The following SLC22A15 variants were observed in gnomAD, a reference collection of about 807,000 sequenced individuals.
SLC22A15 encodes the protein flipt 1.
In SLC22A15, 45 loss-of-function variants were observed where a neutral mutation model predicts 62.7. The observed-to-expected ratio is 0.72, with a 90% CI of 0.56 to 0.92. The LOEUF is 0.92. Among genes scored for constraint, SLC22A15 ranks in the 40% least tolerant of loss-of-function variants. The pLI is 0.00. For synonymous variants in SLC22A15, 264 were observed against 267.0 expected, an observed-to-expected ratio of 0.99 and a Z score of 0.11; for missense variants, 622 against 665.6, an observed-to-expected ratio of 0.93 and a Z score of 0.72.
chr1:116,016,671 C>T (rs534266507), intron 2 of SLC22A15, among the ~76,000 whole-genome samples: 1 of 152,256 alleles, frequency 6.6e-6, no homozygotes, highest in East Asian at 1.9e-4. Context: ...CCACCATGTA[C>T]CTAACACCCC....
chr1:115,990,098 A>T (rs759334599), intron 1 of SLC22A15, among the ~76,000 whole-genome samples: 3 of 152,230 alleles, frequency 2.0e-5, no homozygotes, highest in African/African-American at 4.8e-5. Context: ...AGCAGCAAGA[A>T]ACAGGAGAGG....
At chr1:115,991,710 C>G (rs1377054293) in intron 1 of SLC22A15, among the ~76,000 whole-genome samples, 2 of 152,100 alleles carry the variant, frequency 1.3e-5, no homozygotes, top group Non-Finnish European at 2.9e-5. Flanking sequence ...TAATGTTTTC[C>G]CTGCCCTTCT....
At chr1:116,003,079 G>C (rs769188338) in intron 2 of SLC22A15, among the ~76,000 whole-genome samples, 3 of 152,126 alleles carry the variant, frequency 2.0e-5, no homozygotes, top group Non-Finnish European at 4.4e-5. Flanking sequence ...AATTCTGGCA[G>C]GATTGGGTCC....
rs972034571 is a variant in SLC22A15 at position 116,015,767 on chromosome 1, A to T, written c.301-3815A>T. ...AACAAACACTAAGAACATAAATTTT[A>T]AAAAAAGCAAGTGTTTGAATTTCAA... On this transcript the variant is annotated intron_variant, in intron 2 of 11. Transcript: ENST00000369503. Among the ~76,000 whole-genome samples the T allele has an allele frequency of 4.6e-5, 7 of 152,156 alleles. No homozygotes were observed. The South Asian group carries it at 8.3e-4, about 18-fold the overall frequency.
chr1:116,053,313 GATGAA>G (rs1413482542), intron 8 of SLC22A15, among the ~76,000 whole-genome samples: 2 of 152,166 alleles, frequency 1.3e-5, no homozygotes, highest in Non-Finnish European at 2.9e-5. Context: ...AGTGATGGAA[GATGAA>G]ATGAATGAAA....
At chr1:116,062,663 A>T (rs1658411058) in intron 8 of SLC22A15, 99 bp from the exon 9 acceptor site, 6 of 1,410,250 alleles carry the variant, frequency 4.3e-6, no homozygotes, top group Non-Finnish European at 5.9e-6. Context: ...GCTCTTTGAG[A>T]TCAACATGAA....
At chr1:116,048,401 C>T (rs1315450213) in intron 8 of SLC22A15, among the ~76,000 whole-genome samples, 1 of 152,198 alleles carries the variant, frequency 6.6e-6, no homozygotes, top group Non-Finnish European at 1.5e-5. Context: ...AGAAACGCTA[C>T]AAGCTAGAAG....
At chr1:116,033,402 C>G (rs1039741331) in intron 6 of SLC22A15, among the ~76,000 whole-genome samples, 1 of 152,150 alleles carries the variant, frequency 6.6e-6, no homozygotes, top group African/African-American at 2.4e-5. Flanking sequence ...AGAGCAGAGG[C>G]CCAGCCCTGG....
rs199715404 is a variant in SLC22A15, at chr1:116,037,408, A to G, written c.1171+20A>G. 7.9e-5 allele frequency: 125 copies of G among 1,574,550 alleles called. No individual in the cohort carries two copies. Among genetic ancestry groups the G allele is most frequent in the Non-Finnish European group, 1.0e-4 (120 of 1,144,370 alleles). On this transcript the variant is annotated intron_variant, in intron 8 of 11. Transcript: ENST00000369503. ...AGAAAGGTATGCCTTTCAAATTTCTACAAGGGTTTTGAACAGTACTTTCAT... is the reference window on the plus strand; with the variant it reads ...AGAAAGGTATGCCTTTCAAATTTCTGCAAGGGTTTTGAACAGTACTTTCAT...
intron 1 of SLC22A15, among the ~76,000 whole-genome samples, chr1:115,982,356 T>C (rs1273498404): frequency 6.6e-6 from 1 of 152,210 alleles, no homozygotes; most frequent in Non-Finnish European, 1.5e-5. Context: ...TAAAGCATGC[T>C]CACATTTTGG....
At chr1:116,033,664 T>C (rs531833976) in intron 6 of SLC22A15, among the ~76,000 whole-genome samples, 2 of 152,144 alleles carry the variant, frequency 1.3e-5, no homozygotes, top group Middle Eastern at 3.4e-3. Context: ...AACAGCATTA[T>C]GTAAATGCTG....
At chr1:116,052,278 C>T (rs547885672) in intron 8 of SLC22A15, among the ~76,000 whole-genome samples, 5 of 152,324 alleles carry the variant, frequency 3.3e-5, no homozygotes, top group South Asian at 2.1e-4. Flanking sequence ...CCTACGCCCA[C>T]GGAGTCTCAC....
intron 8 of SLC22A15, among the ~76,000 whole-genome samples, chr1:116,057,210 G>T (rs1457218396): frequency 6.6e-6 from 1 of 151,286 alleles, no homozygotes; most frequent in African/African-American, 2.4e-5. Context: ...AAATTTACAA[G>T]AAAAAAACAA....
chr1:116,024,827 A>AT (rs1339968795), intron 4 of SLC22A15, among the ~76,000 whole-genome samples: 1 of 152,130 alleles, frequency 6.6e-6, no homozygotes, highest in Non-Finnish European at 1.5e-5. Context: ...GGCTCAGCTG[A>AT]TTGGGGTCAC....
At chr1:116,052,687 G>A (rs186917590) in intron 8 of SLC22A15, among the ~76,000 whole-genome samples, 48 of 152,208 alleles carry the variant, frequency 3.2e-4, no homozygotes, top group African/African-American at 6.7e-4. Context: ...CTCACACGGC[G>A]GGCTACTCCT....
intron 8 of SLC22A15, among the ~76,000 whole-genome samples, chr1:116,056,207 G>A (rs1178850256): frequency 2.0e-5 from 3 of 152,142 alleles, no homozygotes; most frequent in African/African-American, 7.2e-5. Context: ...CTTCAGCAAA[G>A]TCTCAGGATA....
intron 6 of SLC22A15, chr1:116,032,231 G>C: frequency 1.0e-5 from 10 of 985,440 alleles, no homozygotes; most frequent in Non-Finnish European, 1.1e-5. Flanking sequence ...GTGAGTGTAA[G>C]TTGCATTCAG....
At chr1:115,984,349 TC>T (rs1252274211) in intron 1 of SLC22A15, among the ~76,000 whole-genome samples, 2 of 152,244 alleles carry the variant, frequency 1.3e-5, no homozygotes, top group African/African-American at 4.8e-5. Flanking sequence ...AACAACCTTT[TC>T]CTGATTCTCC....
chr1:116,029,149 A>G (rs1192835023), intron 5 of SLC22A15, among the ~76,000 whole-genome samples: 1 of 152,228 alleles, frequency 6.6e-6, no homozygotes, highest in Non-Finnish European at 1.5e-5. Context: ...GCACAAAAAC[A>G]TTTGGAATCA....
Sources: gnomAD v4.1 joint callset for allele counts (sites outside exome capture counted in the v4.1 genomes callset) on GRCh38, gnomAD v4.1.1 for gene constraint, MANE v1.5 for transcripts, NCBI Gene and HGNC (gene_info 2026-07-23, HGNC 2026-07-21) for gene names.